Variants in ATP6V1B1 observed in about 807,000 individuals in gnomAD.
ATP6V1B1 encodes V-type proton ATPase subunit B, kidney isoform.
ATP6V1B1 carries 41 observed loss-of-function variants against 62.1 expected under a neutral mutation model. That is an observed-to-expected ratio of 0.66 (90% confidence interval 0.51 to 0.86). The LOEUF (loss-of-function observed/expected upper bound fraction) is 0.86. ATP6V1B1 is among the 40% of genes least tolerant of loss of function. The probability of loss-of-function intolerance (pLI) is 0.00; values close to 1 mark genes in which losing one functional copy is unlikely to be tolerated. For synonymous variants in ATP6V1B1, 253 were observed against 273.4 expected (o/e 0.93, Z 0.74); for missense variants, 651 against 697.5 (o/e 0.93, Z 0.75).
intron 1 of ATP6V1B1, among the ~76,000 whole-genome samples, chr2:70,942,924 G>C (rs1179426311): frequency 6.6e-6 from 1 of 152,330 alleles, no homozygotes; most frequent in East Asian, 1.9e-4. Context: ...CTTGCCTCCC[G>C]CAAGTCCACA....
In ATP6V1B1 at chr2:70,965,381, T is replaced by G. The variant is rs912469076; in HGVS notation, c.*260T>G. 1 of 571,844 alleles carries G rather than the reference T, an allele frequency of 1.7e-6. No homozygotes were observed. Among genetic ancestry groups the G allele is most frequent in the Non-Finnish European group, 3.1e-6 (1 of 321,368 alleles). 35.4% of individuals were successfully genotyped at this position (571,844 alleles called of 1,614,324 possible). ...TACTCTGACGGGAGCATCTGTATTT[T>G]TATGTTAAAAGCCCACAAAATAAAA... On this transcript the variant is annotated 3_prime_UTR_variant, in exon 14 of 14. Coordinates refer to ENST00000234396, the MANE Select transcript of ATP6V1B1 (RefSeq NM_001692.4).
rs2072458 is a variant in ATP6V1B1, at chr2:70,960,781, G to A, written c.586-140G>A. ...CAATAACTCCCACCCCCCACCCCAAGAAAGACTAGCACCTGGGGCAGCCCC... is the reference window on the plus strand; with the variant it reads ...CAATAACTCCCACCCCCCACCCCAAAAAAGACTAGCACCTGGGGCAGCCCC... On this transcript the variant is annotated intron_variant, in intron 6 of 13. Coordinates refer to ENST00000234396, the MANE Select transcript of ATP6V1B1 (RefSeq NM_001692.4). 114,982 of 260,210 alleles carry A rather than the reference G, an allele frequency of 0.44. 25,615 individuals are homozygous for A. Among genetic ancestry groups the A allele is most frequent in the East Asian group, 0.62 (4,485 of 7,216 alleles). The allele number at this position is 260,210 out of a possible 1,614,324, so 16.1% of individuals were successfully genotyped here. A position where few individuals can be genotyped will look rare whatever the true frequency, so the allele number is the denominator to read the frequency against.
chr2:70,936,206 G>A, intron 1 of ATP6V1B1, 134 bp downstream of exon 1: 1 of 929,864 alleles, frequency 1.1e-6, no homozygotes, highest in Non-Finnish European at 1.6e-6. Context: ...AGGGCTCTCT[G>A]TCCAGCAGAG....
At chr2:70,946,531 G>T (rs1480057900) in intron 2 of ATP6V1B1, among the ~76,000 whole-genome samples, 1 of 152,220 alleles carries the variant, frequency 6.6e-6, no homozygotes, top group African/African-American at 2.4e-5. Flanking sequence ...AGCCTTCCAG[G>T]TGAACTGATG....
chr2:70,957,642 A>G, intron 2 of ATP6V1B1: 1 of 331,970 alleles, frequency 3.0e-6, no homozygotes, highest in African/African-American at 2.1e-5. Context: ...GCCAGGCACC[A>G]TGCTAATGGA....
intron 2 of ATP6V1B1, among the ~76,000 whole-genome samples, chr2:70,945,168 G>A (rs971590941): frequency 6.6e-6 from 1 of 152,118 alleles, no homozygotes; most frequent in Non-Finnish European, 1.5e-5. Flanking sequence ...AGATGTCACC[G>A]CCAGTTTCAC....
chr2:70,958,872 T>C (rs1553419537), intron 4 of ATP6V1B1, 146 bp from the exon 5 acceptor site: 1 of 772,770 alleles, frequency 1.3e-6, no homozygotes, highest in Non-Finnish European at 2.3e-6. Flanking sequence ...GCTGGCTCTC[T>C]GGGTTACCTG....
chr2:70,936,692 G>C (rs1572903787), intron 1 of ATP6V1B1, among the ~76,000 whole-genome samples: 1 of 152,100 alleles, frequency 6.6e-6, no homozygotes, highest in Non-Finnish European at 1.5e-5. Context: ...CAGGGCAAAG[G>C]TGTGTGTGTG....
intron 2 of ATP6V1B1, among the ~76,000 whole-genome samples, chr2:70,957,139 T>A (rs1171122736): frequency 1.8e-4 from 26 of 146,974 alleles, no homozygotes; most frequent in African/African-American, 6.1e-4. Flanking sequence ...CAGGCTGGAG[T>A]GCAGTGGCGT....
At chr2:70,945,701 G>GAGATATATATATATATATATATATAT (rs1553417203) in intron 2 of ATP6V1B1, among the ~76,000 whole-genome samples, 1 of 83,020 alleles carries the variant, frequency 1.2e-5, no homozygotes. Context: ...TATTTGAAGA[G>GAGATATATATATATATATATATATAT]ATATATATAT....
intron 2 of ATP6V1B1, among the ~76,000 whole-genome samples, chr2:70,957,253 A>G (rs1358490582): frequency 1.5e-3 from 20 of 13,210 alleles, no homozygotes; most frequent in African/African-American, 2.0e-3. Flanking sequence ...ACCTGGCAAT[A>G]TATATATATA....
chr2:70,945,707 T>G lies in ATP6V1B1; in HGVS notation c.174+1994T>G, dbSNP rs554721853. 2.7e-3 allele frequency among the ~76,000 whole-genome samples: 237 copies of G among 86,502 alleles called. 5 individuals are homozygous for G. Among genetic ancestry groups the G allele is most frequent in the South Asian group, 9.5e-3 (21 of 2,222 alleles). The allele number at this position is 86,502 out of a possible 152,430, so 56.7% of individuals were successfully genotyped here. On this transcript the variant is annotated intron_variant, in intron 2 of 13. Coordinates refer to ENST00000234396, the MANE Select transcript of ATP6V1B1 (RefSeq NM_001692.4). ...CTTTCTGGCTATTTGAAGAGATATA[T>G]ATATATATATATATATATATATATA...
chr2:70,961,573 A>C (rs1283915718), intron 7 of ATP6V1B1, 23 bp from the exon 8 acceptor site: 15 of 1,613,198 alleles, frequency 9.3e-6, no homozygotes, highest in Non-Finnish European at 1.2e-5. Flanking sequence ...CCCTACCTCC[A>C]GCCCACCCTG....
rs782501502 is a variant in ATP6V1B1, at chr2:70,964,723, G to A, written c.1249-13G>A. The A allele has an allele frequency of 6.2e-7, 1 of 1,613,340 alleles. No individual in the cohort carries two copies. The highest frequency in any genetic ancestry group is 1.1e-5 in the South Asian group (1 of 91,070). On this transcript the variant is annotated splice_polypyrimidine_tract_variant and intron_variant, in intron 12 of 13. Transcript: ENST00000234396. ...AGCCCGCAGCGGCCACCGACGCCTT[G>A]CCCCTCCCCCAGTACGCCTGCTATG...
In ATP6V1B1 at chr2:70,965,281, T is replaced by C; in HGVS notation, c.*160T>C. ...CGCACGCTCCATCCCTTTCCCTCGC[T>C]CGATTCCTTTTCCCGCGCTCCATGC... On this transcript the variant is annotated 3_prime_UTR_variant, in exon 14 of 14. Transcript: ENST00000234396. 9.5e-7 allele frequency: 1 copy of C among 1,048,516 alleles called. No homozygotes were observed. The highest frequency in any genetic ancestry group is 1.6e-5 in the South Asian group (1 of 63,520). 65.0% of individuals were successfully genotyped at this position (1,048,516 alleles called of 1,614,324 possible).
chr2:70,949,538 C>G lies in ATP6V1B1; in HGVS notation c.174+5825C>G, dbSNP rs71414849. Among the ~76,000 whole-genome samples the G allele has an allele frequency of 4.1e-3, 618 of 152,268 alleles. 1 individual carries two copies. The highest frequency in any genetic ancestry group is 7.1e-3 in the Non-Finnish European group (483 of 68,022). ...AGGGTTGTGGTAATTCACATTTCCA[C>G]CAACCAGGTATGAGAGGACCCACTT... On this transcript the variant is annotated intron_variant, in intron 2 of 13. Transcript: ENST00000234396.
rs1680486535 is a variant in ATP6V1B1 at position 70,958,094 on chromosome 2, CAG to C, written c.226_227del (p.Arg76GlufsTer6). ...IVHFTLPDGTQRSGQVLEVAG... is the reference protein window; with the variant it reads ...IVHFTLPDGTXRSGQVLEVAG... ...CCACTTCACCCTCCCAGATGGGACT[CAG>C]AGGAGCGGGCAGGTGCTTGAGGTGG... On this transcript the variant is annotated frameshift_variant, in exon 3 of 14. Transcript: ENST00000234396. LOFTEE classifies it high-confidence loss of function. 6.2e-7 allele frequency: 1 copy of C among 1,614,150 alleles called. No homozygotes were observed. Among genetic ancestry groups the C allele is most frequent in the Non-Finnish European group, 8.5e-7 (1 of 1,180,026 alleles).
chr2:70,940,338 AC>A, intron 1 of ATP6V1B1: 5 of 522,868 alleles, frequency 9.6e-6, no homozygotes, highest in Non-Finnish European at 1.2e-5. Flanking sequence ...ATCCCCTCCC[AC>A]ACCCCCACCT....
At chr2:70,940,546 G>A (rs1553416247) in intron 1 of ATP6V1B1, 2 of 985,316 alleles carry the variant, frequency 2.0e-6, no homozygotes, top group South Asian at 4.7e-5. Flanking sequence ...CACCATGTGG[G>A]TGTGGGAGTG....
Sources: allele counts gnomAD v4.1 joint callset (sites outside exome capture counted in the v4.1 genomes callset), GRCh38; gene constraint gnomAD v4.1.1; transcripts MANE v1.5; gene names NCBI Gene and HGNC (gene_info 2026-07-23, HGNC 2026-07-21).